SORL1: variants seen among roughly 807,000 people sequenced by gnomAD.
SORL1 encodes sortilin related receptor 1, also known as sortilin-related receptor.
A neutral mutation model predicts 273.7 loss-of-function variants in SORL1; 127 were observed. The observed-to-expected ratio is 0.46, with a 90% CI of 0.40 to 0.54. SORL1 has a LOEUF of 0.54. Ranked by LOEUF, SORL1 falls within the 20% of genes least tolerant of loss-of-function variation. The probability of loss-of-function intolerance (pLI) is 0.00; values close to 1 mark genes in which losing one functional copy is unlikely to be tolerated. For synonymous variants in SORL1, 1,031 were observed against 1,067.4 expected (o/e 0.97, Z 0.66); for missense variants, 2,494 against 2,846.1 (o/e 0.88, Z 2.81).
chr11:121,490,143 T>C (rs1041561655), intron 5 of SORL1, 33 bp downstream of exon 5: 1 of 1,461,006 alleles, frequency 6.8e-7, no homozygotes, highest in Non-Finnish European at 9.6e-7. Flanking sequence ...TCTTGATATA[T>C]GTAACCTCCT....
At chr11:121,468,244 G>T (rs1591546467) in intron 1 of SORL1, among the ~76,000 whole-genome samples, 1 of 152,170 alleles carries the variant, frequency 6.6e-6, no homozygotes, top group Non-Finnish European at 1.5e-5. Context: ...TTACTCGTGG[G>T]TGGGGTGGAC....
In SORL1 at chr11:121,514,302, G is replaced by A. The variant is rs149883151; in HGVS notation, c.1192G>A (p.Gly398Ser). The A allele has an allele frequency of 3.7e-6, 6 of 1,613,840 alleles. No individual in the cohort carries two copies. The African/African-American group carries it at 4.0e-5, about 11-fold the overall frequency. The change falls in exon 8 of 48, where the codon GGC becomes AGC. Residue 398 changes from glycine (G) to serine (S), a missense_variant. Around this residue, in one of 3 missense-constraint regions of SORL1, gnomAD observed 710 missense variants for 882.5 expected, o/e 0.80. Transcript: ENST00000260197. ...NVLYYSPGGA[G>S]SDTLVRYFAN... is the part of the protein sequence containing the mutation. ...GCTCTATTACAGCCCAGGAGGGGCC[G>A]GCAGTGACACCTTGGTGAGGTAAGG... is the stretch of plus-strand genomic sequence containing the variant.
intron 3 of SORL1, among the ~76,000 whole-genome samples, chr11:121,478,722 A>G (rs1173734727): frequency 1.4e-4 from 20 of 139,020 alleles, no homozygotes; most frequent in Non-Finnish European, 2.8e-4. Flanking sequence ...GCTTGTGTGC[A>G]TGTGGGTAAC....
In SORL1 at chr11:121,595,560, G is replaced by T; in HGVS notation, c.4370-63G>T. 7.1e-7 allele frequency: 1 copy of T among 1,400,134 alleles called. No homozygotes were observed. The highest frequency in any genetic ancestry group is 1.2e-5 in the South Asian group (1 of 80,460). The allele number at this position is 1,400,134 out of a possible 1,614,324, so 86.7% of individuals were successfully genotyped here. On this transcript the variant is annotated intron_variant, in intron 31 of 47. Transcript: ENST00000260197. The surrounding 1 kb of genome is among the most constrained non-coding windows in gnomAD (Gnocchi z 5.1). ...CCGTAATCTCCTAGCATATTGATTG[G>T]TTGCTGTTATTGGCCAGCTCCCTCA...
chr11:121,455,272 T>C (rs1428839879), intron 1 of SORL1, among the ~76,000 whole-genome samples: 5 of 152,150 alleles, frequency 3.3e-5, no homozygotes, highest in Non-Finnish European at 4.4e-5. Context: ...ACGGGCTGTG[T>C]GACATGCAGC....
chr11:121,605,150 G>C lies in SORL1; in HGVS notation c.4689G>C (p.Trp1563Cys), dbSNP rs138580875. Residue 1563 changes from tryptophan to cysteine, a missense_variant, in exon 34 of 48, where the codon TGG (tryptophan) becomes TGC (cysteine). Coordinates refer to ENST00000260197, the MANE Select transcript of SORL1 (RefSeq NM_003105.6). Reference protein sequence around the residue: ...LTVYKVQNLQWTADFSGDVTL... With the variant: ...LTVYKVQNLQCTADFSGDVTL... ...TGTACAAAGTACAGAATCTTCAGTG[G>C]ACAGCTGACTTCTCTGGGGATGTGA... is the stretch of plus-strand genomic sequence containing the variant. 3.7e-4 allele frequency: 602 copies of C among 1,613,500 alleles called. 1 individual carries two copies. The highest frequency in any genetic ancestry group is 1.5e-3 in the Middle Eastern group (9 of 6,060).
chr11:121,474,492 T>G (rs1031568388), intron 2 of SORL1, among the ~76,000 whole-genome samples: 3 of 152,186 alleles, frequency 2.0e-5, no homozygotes, highest in Non-Finnish European at 4.4e-5. Flanking sequence ...ATTACGTAGT[T>G]TTGAGGTACA....
chr11:121,503,721 T>G (rs1047930316), intron 6 of SORL1, among the ~76,000 whole-genome samples: 5 of 152,178 alleles, frequency 3.3e-5, no homozygotes, highest in Admixed American at 1.3e-4. Context: ...TCTGGACTCT[T>G]AATTCTATTC....
intron 1 of SORL1, among the ~76,000 whole-genome samples, chr11:121,462,181 G>T (rs1861010254): frequency 6.6e-6 from 1 of 151,944 alleles, no homozygotes; most frequent in South Asian, 2.1e-4. Context: ...CTCAAGCAGG[G>T]ATCCACAGCT....
Position 121,550,741 on chromosome 11 carries a change from TC to T in SORL1, c.2266+73del. On this transcript the variant is annotated intron_variant, in intron 16 of 47. Coordinates refer to ENST00000260197, the MANE Select transcript of SORL1 (RefSeq NM_003105.6). The surrounding 1 kb of genome is among the most constrained non-coding windows in gnomAD (Gnocchi z 5.3). The stretch of plus-strand genomic sequence containing the variant: ...AAGCAGTATCACGATCTCACCCAAG[TC>T]CGGGCTTGTGGCTCCTTTAATTGAG... 8.2e-7 allele frequency: 1 copy of T among 1,221,630 alleles called. No homozygotes were observed. The highest frequency in any genetic ancestry group is 1.5e-5 in the African/African-American group (1 of 66,534). The allele number at this position is 1,221,630 out of a possible 1,614,324, so 75.7% of individuals were successfully genotyped here. A position where few individuals can be genotyped will look rare whatever the true frequency, so the allele number is the denominator to read the frequency against.
At chr11:121,559,449 T>G in intron 20 of SORL1, 70 bp from the exon 21 acceptor site, 1 of 1,512,984 alleles carries the variant, frequency 6.6e-7, no homozygotes, top group Non-Finnish European at 9.0e-7. Flanking sequence ...CTGGGGGAAC[T>G]CTTACCCTTA....
intron 25 of SORL1, among the ~76,000 whole-genome samples, chr11:121,577,934 T>G (rs1373271909): frequency 1.3e-5 from 2 of 152,148 alleles, no homozygotes. Flanking sequence ...TTTTTATGAA[T>G]GAGTGGATGA....
chr11:121,514,175 CGAGGACCAGGTGTTTGTGT>C lies in SORL1; in HGVS notation c.1067_1085del (p.Glu356ValfsTer19). 6.2e-7 allele frequency: 1 copy of C among 1,613,610 alleles called. No homozygotes were observed. The highest frequency in any genetic ancestry group is 8.5e-7 in the Non-Finnish European group (1 of 1,179,880). ...AGGAATATTACATCGCAGATGCCTC[CGAGGACCAGGTGTTTGTGT>C]GTGTCAGCCACAGTAACAACCGCAC... On this transcript the variant is annotated frameshift_variant, in exon 8 of 48. Coordinates refer to ENST00000260197, the MANE Select transcript of SORL1 (RefSeq NM_003105.6). LOFTEE classifies it high-confidence loss of function.
chr11:121,549,116 A>G (rs1862472310), intron 14 of SORL1, among the ~76,000 whole-genome samples: 1 of 152,078 alleles, frequency 6.6e-6, no homozygotes, highest in Non-Finnish European at 1.5e-5. Context: ...GGCAGATGTG[A>G]CTCCAGATCA....
intron 23 of SORL1, among the ~76,000 whole-genome samples, chr11:121,572,840 A>C (rs1862864110): frequency 6.6e-6 from 1 of 152,112 alleles, no homozygotes; most frequent in African/African-American, 2.4e-5. Context: ...TTTTGCATTC[A>C]TCCCCTGCCT....
In SORL1 at chr11:121,545,432, C is replaced by T. The variant is rs1388043638; in HGVS notation, c.2051+3C>T. On this transcript the variant is annotated splice_donor_region_variant and intron_variant, in intron 14 of 47. Transcript: ENST00000260197. ...TGCACCCGGGAGGACTATGAGTGGTCAGTTCTTCTTTGATGGCTGGGGACT... is the reference window on the plus strand; with the variant it reads ...TGCACCCGGGAGGACTATGAGTGGTTAGTTCTTCTTTGATGGCTGGGGACT... 26 of 1,613,630 alleles carry T rather than the reference C, an allele frequency of 1.6e-5. No individual in the cohort carries two copies. The highest frequency in any genetic ancestry group is 2.1e-5 in the Non-Finnish European group (25 of 1,179,820).
intron 27 of SORL1, 61 bp downstream of exon 27, chr11:121,586,390 A>C: frequency 8.2e-7 from 1 of 1,222,232 alleles, no homozygotes; most frequent in Non-Finnish European, 1.2e-6. Flanking sequence ...TGAAGAGCGT[A>C]TATTGGACTA....
intron 6 of SORL1, 24 bp from the exon 7 acceptor site, chr11:121,512,979 T>C: frequency 1.3e-6 from 2 of 1,561,458 alleles, no homozygotes; most frequent in South Asian, 1.1e-5. Flanking sequence ...ACCATTAATT[T>C]TTTTTTCTCC....
At chr11:121,526,752 A>G (rs1468418043) in intron 11 of SORL1, among the ~76,000 whole-genome samples, 2 of 152,216 alleles carry the variant, frequency 1.3e-5, no homozygotes, top group Admixed American at 6.5e-5. Flanking sequence ...GCTCTAGTAT[A>G]TAAAAATACA....
Sources: allele counts gnomAD v4.1 joint callset (sites outside exome capture counted in the v4.1 genomes callset), GRCh38; gene constraint gnomAD v4.1.1; regional missense constraint gnomAD v4.1.1; non-coding constraint Gnocchi (gnomAD v3.1); transcripts MANE v1.5; gene names NCBI Gene and HGNC (gene_info 2026-07-23, HGNC 2026-07-21).